Variants in CCDC102B observed in about 807,000 individuals in gnomAD.
CCDC102B encodes coiled-coil domain containing 102B.
CCDC102B carries 75 observed loss-of-function variants against 57.4 expected under a neutral mutation model. That is an observed-to-expected ratio of 1.31 (90% confidence interval 1.08 to 1.58). The LOEUF (loss-of-function observed/expected upper bound fraction) is 1.58. Ranked by LOEUF, CCDC102B falls within the 40% of genes most tolerant of loss-of-function variation. CCDC102B has a pLI of 0.00. For missense variants in CCDC102B, 636 were observed against 582.6 expected (o/e 1.09, Z -0.94); for synonymous variants, 206 against 201.9 (o/e 1.02, Z -0.17).
intron 2 of CCDC102B, among the ~76,000 whole-genome samples, chr18:68,788,709 G>A (rs1451691269): frequency 6.8e-6 from 1 of 147,838 alleles, no homozygotes; most frequent in Non-Finnish European, 1.5e-5. Context: ...CTTTTATTTT[G>A]AGCCTATGTG....
At chr18:69,055,644 C>T (rs183116278), downstream of CCDC102B, among the ~76,000 whole-genome samples, 4 of 152,204 alleles carry the variant, frequency 2.6e-5, no homozygotes, top group Admixed American at 2.6e-4. Context: ...CCATGTTTCT[C>T]TGCTTTTCTG....
Position 68,868,039 on chromosome 18 carries a change from A to G in CCDC102B, c.937-6630A>G, listed in dbSNP as rs190433975. Among the ~76,000 whole-genome samples, 83 of 152,274 alleles carry G rather than the reference A, an allele frequency of 5.5e-4. 1 individual carries two copies. Among genetic ancestry groups the G allele is most frequent in the African/African-American group, 1.8e-3 (76 of 41,554 alleles). ...AAAATCCAGACAATTATCATTGAGC[A>G]TATTATTTCTCAATGATATTTCCTC... On this transcript the variant is annotated intron_variant, in intron 4 of 7. Transcript: ENST00000360242.
At chr18:68,951,705 G>A (rs1332062941) in intron 6 of CCDC102B, among the ~76,000 whole-genome samples, 1 of 151,942 alleles carries the variant, frequency 6.6e-6, no homozygotes, top group Non-Finnish European at 1.5e-5. Context: ...CTGCTCGGGA[G>A]GCTGAGTTAG....
intron 7 of CCDC102B, among the ~76,000 whole-genome samples, chr18:69,051,764 A>G (rs2052711466): frequency 6.6e-6 from 1 of 152,052 alleles, no homozygotes. Flanking sequence ...CAGATTTGAT[A>G]TGTCAGATCA....
rs72492630 is a variant in CCDC102B, at chr18:69,011,362, ATGTGTGTGTG to A, written c.1434+282_1434+291del. The A allele has an allele frequency of 5.4e-3, 1,899 of 348,918 alleles. 11 individuals are homozygous for A. The highest frequency in any genetic ancestry group is 7.6e-3 in the Non-Finnish European group (1,471 of 194,240). 21.6% of individuals were successfully genotyped at this position (348,918 alleles called of 1,614,324 possible). ...AGCATGACCTTGTGTGCACGTGCGC[ATGTGTGTGTG>A]TGTGTGTGTGTGTGTGTGTGTGTTT... is the stretch of plus-strand genomic sequence containing the variant. On this transcript the variant is annotated intron_variant, in intron 7 of 7. Transcript: ENST00000360242.
chr18:68,961,703 T>C (rs2050052103), intron 6 of CCDC102B, among the ~76,000 whole-genome samples: 1 of 152,040 alleles, frequency 6.6e-6, no homozygotes, highest in Non-Finnish European at 1.5e-5. Context: ...ATTCTGCAAA[T>C]TATGTTGTAG....
At chr18:69,006,548 A>G (rs1420029358) in intron 6 of CCDC102B, among the ~76,000 whole-genome samples, 1 of 150,452 alleles carries the variant, frequency 6.6e-6, no homozygotes, top group Non-Finnish European at 1.5e-5. Context: ...CAGCCTCCAA[A>G]GTAGTTGGGA....
At chr18:68,822,114 G>A (rs1348977303) in intron 1 of CCDC102B, among the ~76,000 whole-genome samples, 1 of 152,074 alleles carries the variant, frequency 6.6e-6, no homozygotes, top group Non-Finnish European at 1.5e-5. Context: ...CTGAAATATT[G>A]GCTGGGCATG....
chr18:68,980,450 A>C (rs144635434), intron 6 of CCDC102B, among the ~76,000 whole-genome samples: 1 of 151,248 alleles, frequency 6.6e-6, no homozygotes, highest in Non-Finnish European at 1.5e-5. Flanking sequence ...GGAGCAGTTT[A>C]TATTATAGGA....
chr18:68,973,276 T>C (rs1267098346), intron 6 of CCDC102B, among the ~76,000 whole-genome samples: 1 of 152,118 alleles, frequency 6.6e-6, no homozygotes, highest in Non-Finnish European at 1.5e-5. Context: ...AGACTGCGTG[T>C]AAGTCTATAT....
intron 6 of CCDC102B, among the ~76,000 whole-genome samples, chr18:68,935,536 T>C (rs945191380): frequency 6.6e-6 from 1 of 152,002 alleles, no homozygotes; most frequent in Non-Finnish European, 1.5e-5. Flanking sequence ...CATGTGGCGA[T>C]GTCAAATAGG....
At chr18:69,015,591 A>T (rs1277953473) in intron 7 of CCDC102B, among the ~76,000 whole-genome samples, 2 of 152,196 alleles carry the variant, frequency 1.3e-5, no homozygotes, top group Non-Finnish European at 2.9e-5. Context: ...TTCCACTGCC[A>T]CAGGTCAACA....
At chr18:68,940,435 C>T (rs904962144) in intron 6 of CCDC102B, among the ~76,000 whole-genome samples, 1 of 151,744 alleles carries the variant, frequency 6.6e-6, no homozygotes, top group Non-Finnish European at 1.5e-5. Flanking sequence ...TGTTTCTTTA[C>T]ATTAATGAAT....
chr18:68,976,717 T>G (rs1175131496), intron 6 of CCDC102B, among the ~76,000 whole-genome samples: 1 of 152,066 alleles, frequency 6.6e-6, no homozygotes, highest in Non-Finnish European at 1.5e-5. Context: ...TTCTCTCATG[T>G]TACCACTTTG....
At position 68,981,991 on chromosome 18, in the gene CCDC102B, TAAAA is replaced by T. The variant is rs2050596817; in HGVS notation, c.1264-28941_1264-28938del. Among the ~76,000 whole-genome samples, 5 of 151,738 alleles carry T rather than the reference TAAAA, an allele frequency of 3.3e-5. No individual in the cohort carries two copies. The Middle Eastern group carries it at 0.01, about 310-fold the overall frequency. The stretch of plus-strand genomic sequence containing the variant: ...ATAATTAAAAAAATAAATAAATAAA[TAAAA>T]AGAAAGACAAGTAGGGAGATTGGGA... On this transcript the variant is annotated intron_variant, in intron 6 of 7. Transcript: ENST00000360242.
chr18:68,895,590 C>G (rs569089944), intron 5 of CCDC102B, among the ~76,000 whole-genome samples: 2 of 151,562 alleles, frequency 1.3e-5, no homozygotes, highest in South Asian at 2.1e-4. Flanking sequence ...AATTTTTATC[C>G]TTTTGAGATA....
chr18:68,910,176 C>G (rs1475400063), intron 6 of CCDC102B, among the ~76,000 whole-genome samples: 1 of 152,160 alleles, frequency 6.6e-6, no homozygotes, highest in Non-Finnish European at 1.5e-5. Context: ...GCCTGAAATC[C>G]TAGCTACTTC....
chr18:69,017,382 T>C (rs2145411009), intron 7 of CCDC102B, among the ~76,000 whole-genome samples: 1 of 152,208 alleles, frequency 6.6e-6, no homozygotes, highest in Non-Finnish European at 1.5e-5. Context: ...GCCTCGAGCT[T>C]CCCAAAGTGC....
rs1013419286 is a variant in CCDC102B at position 69,003,144 on chromosome 18, C to T, written c.1264-7790C>T. On this transcript the variant is annotated intron_variant, in intron 6 of 7. Transcript: ENST00000360242. Reference sequence around the variant, plus strand: ...ATAGTGTTTTAGGTCTATATAACTCCGGAACATGATAAAAATAAATAGCAG... The same window carrying T: ...ATAGTGTTTTAGGTCTATATAACTCTGGAACATGATAAAAATAAATAGCAG... Among the ~76,000 whole-genome samples, 8 of 151,834 alleles carry T rather than the reference C, an allele frequency of 5.3e-5. No individual in the cohort carries two copies. In the South Asian group the frequency reaches 6.2e-4, roughly 12 times the overall value.
Sources: gnomAD v4.1 joint callset for allele counts (sites outside exome capture counted in the v4.1 genomes callset) on GRCh38, gnomAD v4.1.1 for gene constraint, MANE v1.5 for transcripts, NCBI Gene and HGNC (gene_info 2026-07-23, HGNC 2026-07-21) for gene names.